The following MYO16 variants were observed in gnomAD, a reference collection of about 807,000 sequenced individuals.
MYO16 encodes myosin XVI.
In MYO16, 94 loss-of-function variants were observed where a neutral mutation model predicts 205.3. That is an observed-to-expected ratio of 0.46 (90% CI 0.39 to 0.54). The LOEUF (loss-of-function observed/expected upper bound fraction) is 0.54, where lower values mean the gene tolerates loss of function less well. MYO16 is among the 20% of genes least tolerant of loss of function. MYO16 has a pLI of 0.00. For missense variants in MYO16, 2,315 were observed against 2,387.5 expected, an observed-to-expected ratio of 0.97 and a Z score of 0.63; for synonymous variants, 988 against 954.0, an observed-to-expected ratio of 1.04 and a Z score of -0.66.
intron 4 of MYO16, among the ~76,000 whole-genome samples, chr13:108,778,425 C>T (rs962068091): frequency 1.3e-5 from 2 of 151,814 alleles, no homozygotes; most frequent in Non-Finnish European, 2.9e-5. Context: ...TCAAGACCAG[C>T]CTGGCCAACA....
At chr13:108,975,507 A>G (rs1236493145) in intron 20 of MYO16, among the ~76,000 whole-genome samples, 5 of 152,284 alleles carry the variant, frequency 3.3e-5, no homozygotes, top group Admixed American at 2.0e-4. Flanking sequence ...TTTGAGTTAA[A>G]ACTTTGAAGA....
intron 8 of MYO16, among the ~76,000 whole-genome samples, chr13:108,821,967 A>G (rs1178603345): frequency 6.6e-6 from 1 of 152,184 alleles, no homozygotes; most frequent in Non-Finnish European, 1.5e-5. Flanking sequence ...GCAAAACGCA[A>G]AGAGTTATAA....
At chr13:109,197,887 C>T (rs948592797) in intron 34 of MYO16, among the ~76,000 whole-genome samples, 2 of 152,104 alleles carry the variant, frequency 1.3e-5, no homozygotes, top group African/African-American at 4.8e-5. Flanking sequence ...TTTTGTTTAG[C>T]TGAAATGACA....
intron 9 of MYO16, among the ~76,000 whole-genome samples, chr13:108,833,502 T>C (rs932665585): frequency 6.6e-6 from 1 of 152,200 alleles, no homozygotes; most frequent in Non-Finnish European, 1.5e-5. Context: ...AATAACCAAG[T>C]CACACATGCC....
chr13:108,826,486 T>G (rs1196269048), intron 9 of MYO16, among the ~76,000 whole-genome samples: 1 of 152,080 alleles, frequency 6.6e-6, no homozygotes, highest in Non-Finnish European at 1.5e-5. Flanking sequence ...AATGTAAATC[T>G]TTCTGACTTT....
chr13:109,123,065 A>T (rs1231466512), intron 29 of MYO16, among the ~76,000 whole-genome samples: 1 of 152,166 alleles, frequency 6.6e-6, no homozygotes, highest in Non-Finnish European at 1.5e-5. Flanking sequence ...CTGGATGAAA[A>T]ATATCTGTAA....
intron 16 of MYO16, among the ~76,000 whole-genome samples, chr13:108,913,265 A>G (rs570679604): frequency 5.9e-5 from 9 of 152,376 alleles, no homozygotes; most frequent in Admixed American, 2.0e-4. Flanking sequence ...TCATGAATAC[A>G]TCAGTTGGAG....
chr13:109,097,814 A>G (rs1289321645), intron 27 of MYO16, among the ~76,000 whole-genome samples: 1 of 152,210 alleles, frequency 6.6e-6, no homozygotes, highest in Non-Finnish European at 1.5e-5. Flanking sequence ...GCAAAAATCC[A>G]TCTATGAGAA....
chr13:108,914,286 CATT>C (rs1881393151), intron 16 of MYO16, among the ~76,000 whole-genome samples: 1 of 151,202 alleles, frequency 6.6e-6, no homozygotes, highest in Non-Finnish European at 1.5e-5. Flanking sequence ...TTAAGAATGG[CATT>C]ATTATTGTCA....
intron 29 of MYO16, among the ~76,000 whole-genome samples, chr13:109,121,189 A>T (rs1022918255): frequency 6.6e-6 from 1 of 152,198 alleles, no homozygotes; most frequent in Non-Finnish European, 1.5e-5. Flanking sequence ...ATTCTAAGTT[A>T]AAACATCCTT....
intron 31 of MYO16, among the ~76,000 whole-genome samples, chr13:109,137,972 G>GT (rs749619797): frequency 8.5e-5 from 13 of 152,170 alleles, no homozygotes; most frequent in Non-Finnish European, 1.6e-4. Context: ...CTCATTTGGT[G>GT]TATTTCCTTT....
At chr13:109,076,738 G>C (rs901008976) in intron 27 of MYO16, among the ~76,000 whole-genome samples, 1 of 152,124 alleles carries the variant, frequency 6.6e-6, no homozygotes, top group Admixed American at 6.5e-5. Flanking sequence ...CTTCCAGTGA[G>C]CCTGCAGCAT....
Position 108,633,691 on chromosome 13 carries a change from A to G in MYO16, c.28+3819A>G, listed in dbSNP as rs142679616. ...ACCAAGTTGACACTGAGTATTAATG[A>G]TCACACATATTAAACATGTTTTATG... is the stretch of plus-strand genomic sequence containing the variant. On this transcript the variant is annotated intron_variant, in intron 1 of 34. Coordinates refer to ENST00000457511, the MANE Select transcript of MYO16 (RefSeq NM_001198950.3). Among the ~76,000 whole-genome samples, 1,389 of 152,292 alleles carry G rather than the reference A, an allele frequency of 9.1e-3. 15 individuals are homozygous for G. Among genetic ancestry groups the G allele is most frequent in the South Asian group, 0.033 (161 of 4,822 alleles).
intron 23 of MYO16, among the ~76,000 whole-genome samples, chr13:109,041,532 C>A (rs1283940320): frequency 6.6e-6 from 1 of 152,160 alleles, no homozygotes; most frequent in Non-Finnish European, 1.5e-5. Flanking sequence ...AGAAATAGAA[C>A]CACACAAAGG....
chr13:109,108,003 T>G (rs1452434507), intron 28 of MYO16, among the ~76,000 whole-genome samples: 1 of 152,032 alleles, frequency 6.6e-6, no homozygotes, highest in Non-Finnish European at 1.5e-5. Flanking sequence ...GAAAATACAA[T>G]CTACCAGAAT....
At chr13:108,812,313 A>G (rs1320756815) in intron 7 of MYO16, among the ~76,000 whole-genome samples, 2 of 152,184 alleles carry the variant, frequency 1.3e-5, no homozygotes, top group Admixed American at 6.5e-5. Context: ...AGTCTGTAAG[A>G]AGTGAATGCA....
intron 4 of MYO16, among the ~76,000 whole-genome samples, chr13:108,764,967 C>T (rs546478202): frequency 6.6e-6 from 1 of 152,154 alleles, no homozygotes; most frequent in African/African-American, 2.4e-5. Flanking sequence ...ATAAATATAA[C>T]ATGTTTATTG....
intron 24 of MYO16, among the ~76,000 whole-genome samples, chr13:109,049,847 C>T (rs1208815409): frequency 1.3e-5 from 2 of 151,146 alleles, no homozygotes; most frequent in Admixed American, 1.3e-4. Context: ...TCATTTTTTT[C>T]ATTACCTTTC....
At chr13:108,896,986 ACT>A (rs936080300) in intron 14 of MYO16, among the ~76,000 whole-genome samples, 13 of 151,902 alleles carry the variant, frequency 8.6e-5, no homozygotes, top group African/African-American at 2.9e-4. Flanking sequence ...ACAGAGTGAG[ACT>A]CTGTCTCAAA....
Sources: gnomAD v4.1 joint callset for allele counts (sites outside exome capture counted in the v4.1 genomes callset) on GRCh38, gnomAD v4.1.1 for gene constraint, MANE v1.5 for transcripts, NCBI Gene and HGNC (gene_info 2026-07-23, HGNC 2026-07-21) for gene names.